Variants in LRMDA observed in about 807,000 individuals in gnomAD.
LRMDA encodes the protein leucine rich melanocyte differentiation associated, also known as leucine-rich melanocyte differentiation-associated protein.
A neutral mutation model predicts 29.8 loss-of-function variants in LRMDA; 18 were observed. The observed-to-expected ratio is 0.60, with a 90% confidence interval of 0.42 to 0.90. The LOEUF is 0.90. LRMDA is among the 40% of genes least tolerant of loss of function. The probability of loss-of-function intolerance (pLI) is 0.00; values close to 1 mark genes in which losing one functional copy is unlikely to be tolerated. For missense variants in LRMDA, 273 were observed against 273.9 expected (o/e 1.00, Z 0.02); for synonymous variants, 125 against 109.4 (o/e 1.14, Z -0.89).
At chr10:75,728,324 A>G (rs1341846686) in intron 2 of LRMDA, among the ~76,000 whole-genome samples, 1 of 152,210 alleles carries the variant, frequency 6.6e-6, no homozygotes, top group African/African-American at 2.4e-5. Context: ...TTGAAAAATG[A>G]TAGGGATTGT....
At chr10:75,776,905 G>A (rs1024107701) in intron 2 of LRMDA, among the ~76,000 whole-genome samples, 3 of 152,168 alleles carry the variant, frequency 2.0e-5, no homozygotes, top group African/African-American at 7.2e-5. Context: ...CCGATATGAC[G>A]TTTGAGGTTT....
chr10:76,401,624 C>A (rs1841849888), intron 6 of LRMDA, among the ~76,000 whole-genome samples: 1 of 152,138 alleles, frequency 6.6e-6, no homozygotes, highest in Admixed American at 6.5e-5. Flanking sequence ...TGGGCACAAC[C>A]ACAGGGAGAG....
intron 5 of LRMDA, among the ~76,000 whole-genome samples, chr10:76,059,101 A>G (rs1003166997): frequency 3.3e-5 from 5 of 152,042 alleles, no homozygotes; most frequent in South Asian, 2.1e-4. Flanking sequence ...AGAGGAAAGC[A>G]TTGGGCATGG....
intron 2 of LRMDA, among the ~76,000 whole-genome samples, chr10:75,914,336 A>C (rs565308103): frequency 3.0e-4 from 45 of 152,188 alleles, no homozygotes; most frequent in Admixed American, 1.3e-3. Flanking sequence ...CTTTACTCCA[A>C]ATTTAAAAAT....
chr10:76,124,424 C>A (rs1849842635), intron 5 of LRMDA, among the ~76,000 whole-genome samples: 1 of 152,238 alleles, frequency 6.6e-6, no homozygotes, highest in Non-Finnish European at 1.5e-5. Context: ...GGCTGCCTTT[C>A]TTTCCTCTAC....
chr10:76,236,683 C>G (rs986817273), intron 5 of LRMDA, among the ~76,000 whole-genome samples: 2 of 152,140 alleles, frequency 1.3e-5, no homozygotes, highest in African/African-American at 4.8e-5. Context: ...TGCTGCAACC[C>G]AGCATCTTGG....
At chr10:75,806,311 C>T (rs182974511) in intron 2 of LRMDA, among the ~76,000 whole-genome samples, 91 of 152,278 alleles carry the variant, frequency 6.0e-4, no homozygotes, top group African/African-American at 1.9e-3. Context: ...GCTTTGTCTT[C>T]GACACTGAGT....
chr10:76,224,706 A>G (rs1851919253), intron 5 of LRMDA, among the ~76,000 whole-genome samples: 1 of 140,708 alleles, frequency 7.1e-6, no homozygotes, highest in Middle Eastern at 3.6e-3. Context: ...ACAAAAATCT[A>G]CAATTTAACA....
At chr10:76,484,613 T>A (rs984789791) in intron 6 of LRMDA, among the ~76,000 whole-genome samples, 3 of 151,982 alleles carry the variant, frequency 2.0e-5, no homozygotes, top group African/African-American at 7.2e-5. Flanking sequence ...AAAACTGATT[T>A]TTGTATAATG....
chr10:76,344,848 A>G (rs1841083001), intron 6 of LRMDA, among the ~76,000 whole-genome samples: 1 of 151,796 alleles, frequency 6.6e-6, no homozygotes, highest in South Asian at 2.1e-4. Context: ...AAATTTAGAT[A>G]CATACCTTAC....
At chr10:76,506,604 C>A (rs182110437) in intron 6 of LRMDA, among the ~76,000 whole-genome samples, 2 of 152,034 alleles carry the variant, frequency 1.3e-5, no homozygotes, top group Non-Finnish European at 2.9e-5. Flanking sequence ...AGCTATCAAC[C>A]AACTTTTCTT....
intron 2 of LRMDA, among the ~76,000 whole-genome samples, chr10:75,750,921 G>A (rs1456765624): frequency 3.3e-5 from 5 of 152,282 alleles, no homozygotes; most frequent in East Asian, 1.9e-4. Context: ...GGTGGCGGCC[G>A]GGCAGAGGCT....
intron 5 of LRMDA, among the ~76,000 whole-genome samples, chr10:76,148,803 C>T (rs531106794): frequency 3.3e-5 from 5 of 152,222 alleles, no homozygotes; most frequent in East Asian, 3.9e-4. Context: ...AGCTGTAGAT[C>T]GGAGGTGTTC....
At chr10:75,836,569 G>A (rs944531955) in intron 2 of LRMDA, among the ~76,000 whole-genome samples, 3 of 152,134 alleles carry the variant, frequency 2.0e-5, no homozygotes, top group Non-Finnish European at 2.9e-5. Context: ...GCTTTGCAAG[G>A]CTAGGTTAAA....
At chr10:75,545,577 G>C (rs1840070516) in intron 2 of LRMDA, among the ~76,000 whole-genome samples, 1 of 152,132 alleles carries the variant, frequency 6.6e-6, no homozygotes, top group African/African-American at 2.4e-5. Context: ...CAACTATGTA[G>C]AAATTGGTTG....
intron 2 of LRMDA, among the ~76,000 whole-genome samples, chr10:75,882,189 G>A (rs937516855): frequency 6.6e-6 from 1 of 152,210 alleles, no homozygotes; most frequent in African/African-American, 2.4e-5. Context: ...CTGAACCTGG[G>A]GAGGCGAGCA....
At chr10:75,742,886 G>A (rs1380606925) in intron 2 of LRMDA, 1 of 152,252 alleles carries the variant, frequency 6.6e-6, no homozygotes, top group Non-Finnish European at 1.5e-5. Flanking sequence ...TGGCCAAGGT[G>A]AGAATCACTT....
chr10:75,822,282 G>A (rs1263116088), intron 2 of LRMDA, among the ~76,000 whole-genome samples: 1 of 152,036 alleles, frequency 6.6e-6, no homozygotes, highest in African/African-American at 2.4e-5. Context: ...TCCACAAAGA[G>A]AAGTACAAAA....
intron 2 of LRMDA, among the ~76,000 whole-genome samples, chr10:75,960,481 A>C (rs571732306): frequency 6.6e-6 from 1 of 152,348 alleles, no homozygotes; most frequent in Admixed American, 6.5e-5. Flanking sequence ...GCAGAAACCA[A>C]CCTCAGGCAC....
Sources: gnomAD v4.1 joint callset for allele counts (sites outside exome capture counted in the v4.1 genomes callset) on GRCh38, gnomAD v4.1.1 for gene constraint, MANE v1.5 for transcripts, NCBI Gene and HGNC (gene_info 2026-07-23, HGNC 2026-07-21) for gene names.